Variants in SKAP2 observed in about 807,000 individuals in gnomAD.
The protein encoded by SKAP2 is src kinase associated phosphoprotein 2.
SKAP2 carries 28 observed loss-of-function variants against 54.9 expected under a neutral mutation model. The observed-to-expected ratio is 0.51, with a 90% CI of 0.38 to 0.70. The LOEUF is 0.70. Among genes scored for constraint, SKAP2 ranks in the 30% least tolerant of loss-of-function variants. The probability of loss-of-function intolerance (pLI) is 0.00; values close to 1 mark genes in which losing one functional copy is unlikely to be tolerated. For missense variants in SKAP2, 356 were observed against 424.1 expected (o/e 0.84, Z 1.41); for synonymous variants, 137 against 134.3 (o/e 1.02, Z -0.14).
chr7:26,748,737 C>T (rs1025452225), intron 4 of SKAP2, among the ~76,000 whole-genome samples: 2 of 151,998 alleles, frequency 1.3e-5, no homozygotes, highest in South Asian at 2.1e-4. Flanking sequence ...TCAAAATGTT[C>T]AGACTCTAAA....
intron 4 of SKAP2, among the ~76,000 whole-genome samples, chr7:26,758,742 T>G (rs945900337): frequency 6.6e-6 from 1 of 152,244 alleles, no homozygotes; most frequent in African/African-American, 2.4e-5. Flanking sequence ...TAGATAATTC[T>G]AATTCTTGCT....
At chr7:26,694,299 A>G (rs1385024967) in intron 9 of SKAP2, among the ~76,000 whole-genome samples, 1 of 152,148 alleles carries the variant, frequency 6.6e-6, no homozygotes, top group Non-Finnish European at 1.5e-5. Flanking sequence ...AGATGGTTAT[A>G]AGGTTTTCAT....
intron 4 of SKAP2, among the ~76,000 whole-genome samples, chr7:26,761,493 T>G (rs1025721163): frequency 6.6e-6 from 1 of 152,218 alleles, no homozygotes; most frequent in Non-Finnish European, 1.5e-5. Context: ...CAGTGGAATT[T>G]GCTATAAAGA....
intron 4 of SKAP2, among the ~76,000 whole-genome samples, chr7:26,762,253 A>T (rs1782949427): frequency 6.6e-6 from 1 of 152,128 alleles, no homozygotes; most frequent in South Asian, 2.1e-4. Flanking sequence ...TGGGTGACAG[A>T]GTGAGACCCT....
At chr7:26,787,295 A>T (rs1330678003) in intron 4 of SKAP2, among the ~76,000 whole-genome samples, 2 of 150,608 alleles carry the variant, frequency 1.3e-5, no homozygotes, top group African/African-American at 4.9e-5. Flanking sequence ...TCAGCATCTG[A>T]TTGGCTTCTG....
At chr7:26,833,452 T>C (rs996442006) in intron 4 of SKAP2, among the ~76,000 whole-genome samples, 1 of 145,732 alleles carries the variant, frequency 6.9e-6, no homozygotes, top group Non-Finnish European at 1.5e-5. Context: ...TCAACACCCA[T>C]AGGTGTGCTG....
intron 4 of SKAP2, among the ~76,000 whole-genome samples, chr7:26,842,545 T>C (rs1169693471): frequency 6.6e-6 from 1 of 151,906 alleles, no homozygotes; most frequent in Non-Finnish European, 1.5e-5. Context: ...TATATCAAAA[T>C]GTTTATGCTA....
At chr7:26,708,102 T>C (rs1787207445) in intron 9 of SKAP2, among the ~76,000 whole-genome samples, 1 of 152,116 alleles carries the variant, frequency 6.6e-6, no homozygotes, top group Non-Finnish European at 1.5e-5. Context: ...CTAACAGAAG[T>C]CAACCCTGAA....
At chr7:26,752,544 A>T (rs548352636) in intron 4 of SKAP2, among the ~76,000 whole-genome samples, 59 of 152,306 alleles carry the variant, frequency 3.9e-4, no homozygotes, top group Non-Finnish European at 7.1e-4. Flanking sequence ...GACACCCTGC[A>T]CAATTTTCAG....
chr7:26,759,528 T>C (rs893904295), intron 4 of SKAP2, among the ~76,000 whole-genome samples: 9 of 152,234 alleles, frequency 5.9e-5, no homozygotes, highest in African/African-American at 2.2e-4. Context: ...CATCTCCACA[T>C]GCTAAACATG....
At chr7:26,823,036 G>C (rs776428769) in intron 4 of SKAP2, among the ~76,000 whole-genome samples, 19 of 152,140 alleles carry the variant, frequency 1.2e-4, no homozygotes, top group Non-Finnish European at 2.2e-4. Context: ...CAAAAGGAAG[G>C]CCTCTTGTGC....
intron 11 of SKAP2, among the ~76,000 whole-genome samples, chr7:26,677,967 T>A (rs1485774341): frequency 9.8e-5 from 15 of 152,316 alleles, no homozygotes. Context: ...AGAAGAAAAG[T>A]TAAAGTCCTA....
intron 4 of SKAP2, among the ~76,000 whole-genome samples, chr7:26,829,124 C>T (rs1293967421): frequency 6.6e-6 from 1 of 152,112 alleles, no homozygotes; most frequent in African/African-American, 2.4e-5. Context: ...AGGATACCAT[C>T]AAGAAAGTGA....
intron 6 of SKAP2, among the ~76,000 whole-genome samples, chr7:26,730,628 T>C (rs1368959205): frequency 6.6e-6 from 1 of 152,230 alleles, no homozygotes; most frequent in Non-Finnish European, 1.5e-5. Context: ...TTTCACACTT[T>C]AACCTAACCT....
rs553175024 is a variant in SKAP2 at position 26,852,398 on chromosome 7, T to C, written c.199+1739A>G. Among the ~76,000 whole-genome samples, 16 of 152,276 alleles carry C rather than the reference T, an allele frequency of 1.1e-4. No individual in the cohort carries two copies. In the South Asian group the frequency reaches 1.2e-3, roughly 12 times the overall value. ...CTTTGAGTACACAATGGCATAAAAG[T>C]ACTCAGCTCATATTTCTCCAAGGTA... On this transcript the variant is annotated intron_variant, in intron 3 of 12. Coordinates refer to ENST00000345317, the MANE Select transcript of SKAP2 (RefSeq NM_003930.5).
At chr7:26,771,093 T>C (rs1227978863) in intron 4 of SKAP2, among the ~76,000 whole-genome samples, 1 of 152,218 alleles carries the variant, frequency 6.6e-6, no homozygotes, top group Non-Finnish European at 1.5e-5. Flanking sequence ...TATCTTATTG[T>C]TTATATTAGA....
chr7:26,784,108 T>G (rs1286413284), intron 4 of SKAP2, among the ~76,000 whole-genome samples: 1 of 148,970 alleles, frequency 6.7e-6, no homozygotes, highest in Non-Finnish European at 1.5e-5. Flanking sequence ...GCACTAACCT[T>G]GGGCACAGGG....
intron 6 of SKAP2, among the ~76,000 whole-genome samples, chr7:26,734,336 T>C (rs771760125): frequency 7.2e-5 from 11 of 152,150 alleles, no homozygotes; most frequent in African/African-American, 2.7e-4. Flanking sequence ...AATAAAATCT[T>C]TAGCAAGGCC....
At chr7:26,721,115 T>C (rs1306307708) in intron 9 of SKAP2, among the ~76,000 whole-genome samples, 1 of 152,198 alleles carries the variant, frequency 6.6e-6, no homozygotes, top group Non-Finnish European at 1.5e-5. Flanking sequence ...ATCTTTCCAT[T>C]GCATTCCAAA....
Sources: gnomAD v4.1 joint callset for allele counts (sites outside exome capture counted in the v4.1 genomes callset) on GRCh38, gnomAD v4.1.1 for gene constraint, MANE v1.5 for transcripts, NCBI Gene and HGNC (gene_info 2026-07-23, HGNC 2026-07-21) for gene names.